The following KDM3A variants were observed in gnomAD, a reference collection of about 807,000 sequenced individuals.
The protein encoded by KDM3A is lysine-specific demethylase 3A.
In KDM3A, 60 loss-of-function variants were observed where a neutral mutation model predicts 158.0. The ratio of observed to expected loss-of-function variants is 0.38; its 90% CI spans 0.31 to 0.47. The LOEUF is 0.47. Among genes scored for constraint, KDM3A ranks in the 20% least tolerant of loss-of-function variants. The probability of loss-of-function intolerance (pLI) is 0.99; values close to 1 mark genes in which losing one functional copy is unlikely to be tolerated. For missense variants in KDM3A, 1,319 were observed against 1,574.3 expected, an observed-to-expected ratio of 0.84 and a Z score of 2.74; for synonymous variants, 608 against 549.3, an observed-to-expected ratio of 1.11 and a Z score of -1.49.
intron 16 of KDM3A, among the ~76,000 whole-genome samples, chr2:86,481,302 A>G (rs1419399558): frequency 6.6e-6 from 1 of 152,138 alleles, no homozygotes. Flanking sequence ...GCTGGAGTGC[A>G]GTGGCATGAT....
intron 10 of KDM3A, 61 bp downstream of exon 10, chr2:86,466,944 T>G: frequency 7.8e-7 from 1 of 1,283,832 alleles, no homozygotes; most frequent in Non-Finnish European, 1.1e-6. Context: ...TATATATCTC[T>G]TTCTTGTCCT....
At chr2:86,446,611 G>C (rs1028999098) in intron 2 of KDM3A, among the ~76,000 whole-genome samples, 1 of 152,172 alleles carries the variant, frequency 6.6e-6, no homozygotes, top group African/African-American at 2.4e-5. Context: ...TTGGGAGTCT[G>C]AGGCACGAGA....
intron 2 of KDM3A, among the ~76,000 whole-genome samples, chr2:86,447,780 AAGAG>A (rs1040316753): frequency 6.6e-6 from 1 of 152,212 alleles, no homozygotes; most frequent in African/African-American, 2.4e-5. Flanking sequence ...AAATCATTCT[AAGAG>A]AGATTCAGTG....
chr2:86,442,380 C>T (rs1049461444), intron 2 of KDM3A, 147 bp downstream of exon 2: 3 of 763,106 alleles, frequency 3.9e-6, no homozygotes, highest in Non-Finnish European at 6.2e-6. Flanking sequence ...TCTTGAAAGT[C>T]TTTGGAATGG....
chr2:86,466,602 T>C lies in KDM3A; in HGVS notation c.1238T>C (p.Leu413Pro). The C allele has an allele frequency of 6.2e-7, 1 of 1,613,940 alleles. No homozygotes were observed. Among genetic ancestry groups the C allele is most frequent in the East Asian group, 2.2e-5 (1 of 44,876 alleles). Reference protein sequence around the residue: ...LESVPQALTGLPKECLPTKAS... With the variant: ...LESVPQALTGPPKECLPTKAS... ...TCTGTTCCACAAGCATTGACTGGCC[T>C]TCCTAAGGAGTGCTTACCTACAAAG... is the stretch of plus-strand genomic sequence containing the variant. The change falls in exon 10 of 26, where the codon CTT becomes CCT. Residue 413 changes from leucine to proline, a missense_variant. Leu to Pro is a moderately conservative substitution (Grantham distance 98, BLOSUM62 -3). This residue lies in a region of KDM3A where 652 missense variants were observed against 627.2 expected (regional missense o/e 1.04). Transcript: ENST00000312912.
intron 25 of KDM3A, chr2:86,491,749 A>T (rs370944561): frequency 5.3e-6 from 2 of 376,890 alleles, no homozygotes; most frequent in Admixed American, 8.3e-5. Flanking sequence ...GAAAAATGAT[A>T]AAAGCTGTAC....
At chr2:86,452,686 C>T (rs148344824) in intron 4 of KDM3A, among the ~76,000 whole-genome samples, 100 of 152,246 alleles carry the variant, frequency 6.6e-4, no homozygotes, top group African/African-American at 2.4e-3. Context: ...GGGTATAGAA[C>T]TATGAAACCT....
intron 9 of KDM3A, among the ~76,000 whole-genome samples, chr2:86,465,322 C>CT (rs1262112711): frequency 6.6e-6 from 1 of 152,160 alleles, no homozygotes; most frequent in Admixed American, 6.5e-5. Flanking sequence ...AAATTATTCT[C>CT]TGTTAGGGCT....
chr2:86,449,135 A>G (rs555947886), intron 2 of KDM3A, among the ~76,000 whole-genome samples: 3 of 152,376 alleles, frequency 2.0e-5, no homozygotes, highest in South Asian at 4.1e-4. Context: ...TTGGAAAACA[A>G]TATTTCAAGG....
chr2:86,475,902 T>C lies in KDM3A; in HGVS notation c.1939+912T>C, dbSNP rs751947918. ...CTAGCTTAAGCACAAAAATAACTTA[T>C]TGAATATATGTGGATACTGTCTCAG... On this transcript the variant is annotated intron_variant, in intron 12 of 25. Transcript: ENST00000312912. 5.3e-5 allele frequency among the ~76,000 whole-genome samples: 8 copies of C among 152,202 alleles called. No individual in the cohort carries two copies. The East Asian group carries it at 9.6e-4, about 18-fold the overall frequency.
chr2:86,444,000 G>A (rs58986545), intron 2 of KDM3A, among the ~76,000 whole-genome samples: 3 of 152,262 alleles, frequency 2.0e-5, no homozygotes, highest in African/African-American at 7.2e-5. Flanking sequence ...CCAGTCTTTA[G>A]TTCTTTGGCA....
At chr2:86,491,851 G>A (rs1674471533) in intron 25 of KDM3A, 188 bp from the exon 26 acceptor site, 1 of 573,876 alleles carries the variant, frequency 1.7e-6, no homozygotes, top group Non-Finnish European at 3.1e-6. Context: ...TGAAATCATG[G>A]GTTTAAAATG....
chr2:86,483,417 T>C (rs985022303), intron 18 of KDM3A: 2 of 152,534 alleles, frequency 1.3e-5, no homozygotes, highest in East Asian at 3.8e-4. Flanking sequence ...CATTTAATCA[T>C]ATATAGACAA....
In KDM3A at chr2:86,457,034, G is replaced by A. The variant is rs974051983; in HGVS notation, c.806G>A (p.Gly269Glu). The A allele has an allele frequency of 2.5e-6, 4 of 1,596,468 alleles. No homozygotes were observed. In the Admixed American group the frequency reaches 6.8e-5, roughly 27 times the overall value. ...AAACGCAAGTCTTCTGAGAATAATG[G>A]AACCCTGGTTTCCAAACAAGCAAAA... ...AVKRKSSENN[G>E]TLVSKQAKSC... is the part of the protein sequence containing the mutation. The change falls in exon 8 of 26, where the codon GGA becomes GAA. Residue 269 changes from glycine to glutamate, a missense_variant. Gly to Glu is a moderately conservative substitution (Grantham distance 98). This residue lies in a region of KDM3A where 652 missense variants were observed against 627.2 expected (regional missense o/e 1.04). Coordinates refer to ENST00000312912, the MANE Select transcript of KDM3A (RefSeq NM_018433.6).
intron 4 of KDM3A, among the ~76,000 whole-genome samples, chr2:86,451,441 T>C (rs1190260972): frequency 6.6e-6 from 1 of 152,208 alleles, no homozygotes; most frequent in Non-Finnish European, 1.5e-5. Flanking sequence ...TTTGTATATA[T>C]ATTATGTACT....
rs1674499204 is a variant in KDM3A at position 86,492,329 on chromosome 2, T to TGAC, written c.*211_*213dup. On this transcript the variant is annotated 3_prime_UTR_variant, in exon 26 of 26. Transcript: ENST00000312912. ...TTACAGAACATGCATCCTTAAACTG[T>TGAC]GACTTCTCACCTAGTGCAGAACTTT... The TGAC allele has an allele frequency of 2.0e-6, 1 of 492,330 alleles. No individual in the cohort carries two copies. Among genetic ancestry groups the TGAC allele is most frequent in the African/African-American group, 2.0e-5 (1 of 51,150 alleles). 30.5% of individuals were successfully genotyped at this position (492,330 alleles called of 1,614,324 possible).
chr2:86,451,140 C>G lies in KDM3A; in HGVS notation c.380C>G (p.Ser127Cys). ...KPLLDKAGLG[S>C]ITSVRFLGDQ... ...CTGTTGGACAAAGCTGGTTTGGGAT[C>G]CATAACTTCTGTTCGCTTTCTGGGA... Residue 127 changes from serine to cysteine, a missense_variant, in exon 4 of 26, where the codon TCC becomes TGC. Ser to Cys is a moderately radical substitution (Grantham distance 112). Coordinates refer to ENST00000312912, the MANE Select transcript of KDM3A (RefSeq NM_018433.6). 12 of 1,611,662 alleles carry G rather than the reference C, an allele frequency of 7.4e-6. No homozygotes were observed. The highest frequency in any genetic ancestry group is 1.0e-5 in the Non-Finnish European group (12 of 1,179,216).
chr2:86,437,998 C>A (rs923625528), upstream of KDM3A, among the ~76,000 whole-genome samples: 3 of 152,072 alleles, frequency 2.0e-5, no homozygotes, highest in African/African-American at 7.2e-5. Context: ...TAGCAATTAA[C>A]CTCTATTGTA....
At chr2:86,443,098 C>G (rs1288601552) in intron 2 of KDM3A, 2 of 152,134 alleles carry the variant, frequency 1.3e-5, no homozygotes, top group Non-Finnish European at 2.9e-5. Flanking sequence ...AACAAAGACT[C>G]CTTTGTGCGA....
Sources: gnomAD v4.1 joint callset for allele counts (sites outside exome capture counted in the v4.1 genomes callset) on GRCh38, gnomAD v4.1.1 for gene constraint, gnomAD v4.1.1 regional missense constraint, MANE v1.5 for transcripts, NCBI Gene and HGNC (gene_info 2026-07-23, HGNC 2026-07-21) for gene names.